The following MAPK10 variants were observed in gnomAD, a reference collection of about 807,000 sequenced individuals.
The protein encoded by MAPK10 is JNK3 alpha protein kinase.
MAPK10 carries 25 observed loss-of-function variants against 59.3 expected under a neutral mutation model. That is an observed-to-expected ratio of 0.42 (90% CI 0.31 to 0.59). The LOEUF is 0.59. Among genes scored for constraint, MAPK10 ranks in the 20% least tolerant of loss-of-function variants. The pLI is 0.15. For synonymous variants in MAPK10, 190 were observed against 200.5 expected (o/e 0.95, Z 0.44); for missense variants, 351 against 568.9 (o/e 0.62, Z 3.90).
intron 1 of MAPK10, among the ~76,000 whole-genome samples, chr4:86,400,464 T>C (rs1478677959): frequency 6.6e-6 from 1 of 152,004 alleles, no homozygotes; most frequent in African/African-American, 2.4e-5. Context: ...TCTCTCTCTC[T>C]CCACGTAATG....
intron 1 of MAPK10, among the ~76,000 whole-genome samples, chr4:86,514,221 G>T (rs1756487390): frequency 6.6e-6 from 1 of 152,040 alleles, no homozygotes; most frequent in Non-Finnish European, 1.5e-5. Flanking sequence ...AAAAGGCTCT[G>T]AAAAAAACCC....
chr4:86,128,757 A>G (rs1452847249), intron 4 of MAPK10, among the ~76,000 whole-genome samples: 2 of 152,088 alleles, frequency 1.3e-5, no homozygotes, highest in African/African-American at 4.8e-5. Flanking sequence ...TTATAAATAT[A>G]TAGGAGCACA....
chr4:86,022,662 A>G (rs1344032364), intron 13 of MAPK10, among the ~76,000 whole-genome samples: 2 of 151,754 alleles, frequency 1.3e-5, no homozygotes, highest in African/African-American at 2.4e-5. Flanking sequence ...ATACCACCAC[A>G]CCTGGCTAAT....
chr4:86,568,571 A>T (rs979775175), intron 1 of MAPK10, among the ~76,000 whole-genome samples: 46 of 152,192 alleles, frequency 3.0e-4, no homozygotes, highest in African/African-American at 1.1e-3. Flanking sequence ...TAACTGAAAC[A>T]GTGTGGTACT....
chr4:86,064,019 T>C (rs1220880596), intron 11 of MAPK10, among the ~76,000 whole-genome samples: 3 of 152,094 alleles, frequency 2.0e-5, no homozygotes, highest in Non-Finnish European at 4.4e-5. Context: ...CAGAAACAAA[T>C]GGTAGTGTAT....
intron 1 of MAPK10, among the ~76,000 whole-genome samples, chr4:86,414,029 G>A (rs1184556030): frequency 1.3e-5 from 2 of 152,238 alleles, no homozygotes; most frequent in South Asian, 2.1e-4. Context: ...GACCGGAGCT[G>A]TTCCTATTCG....
Position 86,481,291 on chromosome 4 carries a change from G to C in MAPK10, c.-263+112619C>G, listed in dbSNP as rs574938287. On this transcript the variant is annotated intron_variant, in intron 1 of 4. Transcript: ENST00000502302. ...GACAGGAGGGCAGGAGAAAATCAGAGAGACCTTGCTTCAGAGGCCTTCTAA... is the reference window on the plus strand; with the variant it reads ...GACAGGAGGGCAGGAGAAAATCAGACAGACCTTGCTTCAGAGGCCTTCTAA... Among the ~76,000 whole-genome samples the C allele has an allele frequency of 2.0e-5, 3 of 152,240 alleles. No individual in the cohort carries two copies. The South Asian group carries it at 6.2e-4, about 32-fold the overall frequency.
intron 11 of MAPK10, among the ~76,000 whole-genome samples, chr4:86,060,777 G>A (rs571259541): frequency 6.6e-6 from 1 of 152,058 alleles, no homozygotes; most frequent in Admixed American, 6.6e-5. Flanking sequence ...CAAAGAAGAG[G>A]TAGGTATACA....
chr4:86,268,260 T>TCATGTCCACTCTACCACAAAGATA (rs1325793302), intron 2 of MAPK10: 2 of 152,210 alleles, frequency 1.3e-5, no homozygotes. Flanking sequence ...CTTCAGCAGG[T>TCATGTCCACTCTACCACAAAGATA]CATGTCCACT....
At chr4:86,372,564 G>GAAAGAAAGAAAGAAAGAAAGGAAGGA in intron 1 of MAPK10, among the ~76,000 whole-genome samples, 2 of 78,690 alleles carry the variant, frequency 2.5e-5, no homozygotes, top group Admixed American at 1.4e-4. Context: ...AAGAAAGAAA[G>GAAAGAAAGAAAGAAAGAAAGGAAGGA]AAAGAAAAGA....
chr4:86,304,574 A>G (rs1431881284), intron 2 of MAPK10, among the ~76,000 whole-genome samples: 1 of 150,518 alleles, frequency 6.6e-6, no homozygotes, highest in Admixed American at 6.6e-5. Context: ...TTGTATTTTT[A>G]GTAGAGACGG....
chr4:86,337,396 C>T (rs1431183171), intron 2 of MAPK10, among the ~76,000 whole-genome samples: 3 of 152,088 alleles, frequency 2.0e-5, no homozygotes, highest in African/African-American at 7.2e-5. Context: ...AGATTAACTC[C>T]CCAGAAATTA....
At chr4:86,305,112 A>G (rs2095543969) in intron 2 of MAPK10, among the ~76,000 whole-genome samples, 1 of 152,230 alleles carries the variant, frequency 6.6e-6, no homozygotes, top group South Asian at 2.1e-4. Flanking sequence ...TTATGCACCT[A>G]TATTATACTT....
At chr4:86,500,837 C>A (rs1005817458) in intron 1 of MAPK10, among the ~76,000 whole-genome samples, 1 of 151,964 alleles carries the variant, frequency 6.6e-6, no homozygotes, top group African/African-American at 2.4e-5. Flanking sequence ...TTGCTACAGC[C>A]AAAATAGTTA....
intron 4 of MAPK10, among the ~76,000 whole-genome samples, chr4:86,127,119 G>A (rs762431386): frequency 6.7e-6 from 1 of 150,332 alleles, no homozygotes. Flanking sequence ...TTAAAGCACT[G>A]TTATGTCCTA....
chr4:86,237,866 AT>A (rs936571397), intron 2 of MAPK10, among the ~76,000 whole-genome samples: 2 of 151,838 alleles, frequency 1.3e-5, no homozygotes, highest in African/African-American at 4.8e-5. Context: ...TCATTTGTTA[AT>A]TTTTGCTTTT....
rs543442759 is a variant in MAPK10, at chr4:86,101,408, A to G, written c.565-191T>C. 1.3e-3 allele frequency: 699 copies of G among 520,734 alleles called. 14 individuals carry two copies. In the South Asian group the frequency reaches 0.02, roughly 15 times the overall value. The allele number at this position is 520,734 out of a possible 1,614,324, so 32.3% of individuals were successfully genotyped here. A position where few individuals can be genotyped will look rare whatever the true frequency, so the allele number is the denominator to read the frequency against. ...AGTTTTTGGAAAGTGTTTTAATCCC[A>G]GAAAAGAATTGTATTATCATTTTCA... On this transcript the variant is annotated intron_variant, in intron 7 of 13. Transcript: ENST00000641462.
At chr4:86,235,487 GCT>G (rs2092125040) in intron 2 of MAPK10, among the ~76,000 whole-genome samples, 1 of 152,110 alleles carries the variant, frequency 6.6e-6, no homozygotes, top group African/African-American at 2.4e-5. Context: ...TATGCTTTGT[GCT>G]CTTTCCTGTA....
intron 3 of MAPK10, among the ~76,000 whole-genome samples, chr4:86,190,247 T>C (rs1042532788): frequency 4.6e-5 from 7 of 152,330 alleles, no homozygotes; most frequent in Non-Finnish European, 1.0e-4. Context: ...GGTATCAGTA[T>C]GATGCTGGCC....
Sources: gnomAD v4.1 joint callset for allele counts (sites outside exome capture counted in the v4.1 genomes callset) on GRCh38, gnomAD v4.1.1 for gene constraint, MANE v1.5 for transcripts, NCBI Gene and HGNC (gene_info 2026-07-23, HGNC 2026-07-21) for gene names.